Variants in WDR49 observed in about 807,000 individuals in gnomAD.
WDR49 encodes the protein WD repeat domain 49.
A neutral mutation model predicts 119.5 loss-of-function variants in WDR49; 107 were observed. The observed-to-expected ratio is 0.90, with a 90% confidence interval of 0.77 to 1.05. The LOEUF (loss-of-function observed/expected upper bound fraction) is 1.05. WDR49 is among the 50% of genes least tolerant of loss of function. The pLI, the probability that WDR49 is intolerant of heterozygous loss-of-function variation, is 0.00. For synonymous variants in WDR49, 425 were observed against 418.8 expected, an observed-to-expected ratio of 1.01 and a Z score of -0.18; for missense variants, 1,240 against 1,220.5, an observed-to-expected ratio of 1.02 and a Z score of -0.24.
intron 2 of WDR49, among the ~76,000 whole-genome samples, chr3:167,647,408 A>T (rs1330638611): frequency 2.6e-5 from 4 of 152,246 alleles, no homozygotes; most frequent in African/African-American, 7.2e-5. Flanking sequence ...CACAAAAATC[A>T]GCACAAAGGC....
intron 10 of WDR49, among the ~76,000 whole-genome samples, chr3:167,553,989 T>C (rs1029982728): frequency 6.6e-6 from 1 of 152,102 alleles, no homozygotes; most frequent in East Asian, 1.9e-4. Context: ...GTGAATAACG[T>C]TGGACGACTA....
intron 17 of WDR49, among the ~76,000 whole-genome samples, chr3:167,503,175 C>A (rs566482445): frequency 3.3e-5 from 5 of 152,208 alleles, no homozygotes; most frequent in Non-Finnish European, 5.9e-5. Context: ...GTGGCTTCCA[C>A]GTGGTGTTAA....
In WDR49 at chr3:167,575,395, G is replaced by A. The variant is rs1009233747; in HGVS notation, c.1509+523C>T. ...TGCGGAGCGTCATTAAACTGGTGGGGAGACAAACAACACTTGTGCTGCATA... is the reference window on the plus strand; with the variant it reads ...TGCGGAGCGTCATTAAACTGGTGGGAAGACAAACAACACTTGTGCTGCATA... On this transcript the variant is annotated intron_variant, in intron 8 of 18. Transcript: ENST00000682715. Among the ~76,000 whole-genome samples the A allele has an allele frequency of 3.3e-5, 5 of 152,150 alleles. No homozygotes were observed. The East Asian group carries it at 9.6e-4, about 29-fold the overall frequency.
intron 8 of WDR49, among the ~76,000 whole-genome samples, chr3:167,562,593 G>T (rs1189633095): frequency 6.6e-6 from 1 of 152,158 alleles, no homozygotes; most frequent in Non-Finnish European, 1.5e-5. Flanking sequence ...AAATGATCTG[G>T]ATCTTTGAAA....
intron 5 of WDR49, among the ~76,000 whole-genome samples, chr3:167,619,846 C>T (rs1461553259): frequency 1.3e-5 from 2 of 151,966 alleles, no homozygotes; most frequent in Non-Finnish European, 2.9e-5. Flanking sequence ...GAAACTAATT[C>T]ATTGGTGACT....
At chr3:167,518,451 C>T (rs1287073233) in intron 16 of WDR49, among the ~76,000 whole-genome samples, 1 of 152,040 alleles carries the variant, frequency 6.6e-6, no homozygotes. Flanking sequence ...TCATATCTCA[C>T]TGTGGTTTTG....
intron 8 of WDR49, among the ~76,000 whole-genome samples, chr3:167,564,373 G>A (rs1190591699): frequency 6.6e-6 from 1 of 152,202 alleles, no homozygotes; most frequent in Non-Finnish European, 1.5e-5. Flanking sequence ...AGGGGAAAGG[G>A]CGTTCAAAGT....
chr3:167,533,409 T>C (rs1752918161), intron 11 of WDR49, among the ~76,000 whole-genome samples: 1 of 152,106 alleles, frequency 6.6e-6, no homozygotes, highest in Non-Finnish European at 1.5e-5. Flanking sequence ...ATGAAAGTAT[T>C]TACAATAGCA....
chr3:167,568,779 G>C (rs939955718), intron 8 of WDR49, among the ~76,000 whole-genome samples: 1 of 152,142 alleles, frequency 6.6e-6, no homozygotes, highest in Non-Finnish European at 1.5e-5. Context: ...AGCAGCTCAA[G>C]AGATCACATT....
upstream of WDR49, among the ~76,000 whole-genome samples, chr3:167,657,093 C>T (rs1210695271): frequency 6.6e-6 from 1 of 152,128 alleles, no homozygotes; most frequent in Non-Finnish European, 1.5e-5. Flanking sequence ...TCTCCTTCCC[C>T]CACAATTTAT....
At chr3:167,584,736 T>C (rs1160090559) in intron 7 of WDR49, among the ~76,000 whole-genome samples, 2 of 152,028 alleles carry the variant, frequency 1.3e-5, no homozygotes, top group Non-Finnish European at 1.5e-5. Flanking sequence ...AGAAAAAATC[T>C]ACACAAAAAT....
At chr3:167,630,575 A>C (rs1412913222) in intron 2 of WDR49, among the ~76,000 whole-genome samples, 1 of 152,076 alleles carries the variant, frequency 6.6e-6, no homozygotes, top group Non-Finnish European at 1.5e-5. Flanking sequence ...CAGTAAAATT[A>C]CCCCATGGTG....
intron 18 of WDR49, among the ~76,000 whole-genome samples, chr3:167,486,719 C>T (rs185524432): frequency 3.3e-5 from 5 of 152,132 alleles, no homozygotes; most frequent in Non-Finnish European, 1.5e-5. Context: ...ATTGGAGCAT[C>T]GAGATTCATA....
chr3:167,567,195 A>G (rs1183369882), intron 8 of WDR49, among the ~76,000 whole-genome samples: 1 of 152,142 alleles, frequency 6.6e-6, no homozygotes, highest in African/African-American at 2.4e-5. Context: ...CTTCTGCCAG[A>G]TTGTCTAATG....
At chr3:167,611,102 A>T (rs1716316310) in intron 5 of WDR49, among the ~76,000 whole-genome samples, 1 of 152,228 alleles carries the variant, frequency 6.6e-6, no homozygotes, top group Admixed American at 6.5e-5. Flanking sequence ...AGAAAGACTA[A>T]ATGATGAACC....
intron 18 of WDR49, among the ~76,000 whole-genome samples, chr3:167,491,838 A>G (rs2108199815): frequency 6.6e-6 from 1 of 152,304 alleles, no homozygotes; most frequent in African/African-American, 2.4e-5. Flanking sequence ...CTAAAGGGAA[A>G]GTGTGAAGAA....
chr3:167,558,087 T>C (rs1713051042), intron 9 of WDR49, among the ~76,000 whole-genome samples: 4 of 152,070 alleles, frequency 2.6e-5, no homozygotes, highest in Admixed American at 2.6e-4. Flanking sequence ...ACCCTGTCTC[T>C]AAAAACAAAC....
chr3:167,604,318 G>C lies in WDR49; in HGVS notation c.1109C>G (p.Ser370Cys). ...AQGIHAFDYH[S>C]RLNLIATAGI... Reference sequence around the variant, plus strand: ...TTACCTACCAATTAAATTGAGCCGAGAGTGATAATCAAAAGCATGAATGCC... The same window carrying C: ...TTACCTACCAATTAAATTGAGCCGACAGTGATAATCAAAAGCATGAATGCC... The change falls in exon 6 of 19, where the codon TCT becomes TGT. Residue 370 changes from serine to cysteine, a missense_variant. By Grantham distance (112) the Ser-to-Cys change is moderately radical (BLOSUM62 -1). Transcript: ENST00000682715. The C allele has an allele frequency of 6.2e-7, 1 of 1,613,600 alleles. No individual in the cohort carries two copies. Among genetic ancestry groups the C allele is most frequent in the East Asian group, 2.2e-5 (1 of 44,814 alleles).
Position 167,544,524 on chromosome 3 carries a change from AC to A in WDR49, c.1824-7525del, listed in dbSNP as rs1163486471. Among the ~76,000 whole-genome samples, 3 of 151,982 alleles carry A rather than the reference AC, an allele frequency of 2.0e-5. No individual in the cohort carries two copies. In the East Asian group the frequency reaches 5.8e-4, roughly 29 times the overall value. On this transcript the variant is annotated intron_variant, in intron 10 of 18. Coordinates refer to ENST00000682715, the MANE Select transcript of WDR49 (RefSeq NM_001366157.1). ...ATAGACCAGAGGGACAAAATAGAGA[AC>A]CCAGAAATAAAACCAAATACTTAAA... is the stretch of plus-strand genomic sequence containing the variant.
Sources: gnomAD v4.1 joint callset for allele counts (sites outside exome capture counted in the v4.1 genomes callset) on GRCh38, gnomAD v4.1.1 for gene constraint, MANE v1.5 for transcripts, NCBI Gene and HGNC (gene_info 2026-07-23, HGNC 2026-07-21) for gene names.